Variants in ATP10B observed in about 807,000 individuals in gnomAD.
The protein encoded by ATP10B is ATPase phospholipid transporting 10B (putative), also known as phospholipid-transporting ATPase VB.
ATP10B carries 122 observed loss-of-function variants against 141.2 expected under a neutral mutation model. The observed-to-expected ratio is 0.86, with a 90% CI of 0.75 to 1.00. ATP10B has a LOEUF of 1.00. ATP10B is among the 50% of genes least tolerant of loss of function. The pLI, the probability that ATP10B is intolerant of heterozygous loss-of-function variation, is 0.00. For synonymous variants in ATP10B, 685 were observed against 692.0 expected (o/e 0.99, Z 0.16); for missense variants, 1,876 against 1,825.3 (o/e 1.03, Z -0.51).
At position 160,740,116 on chromosome 5, in the gene ATP10B, T is replaced by G. The variant is rs557802088; in HGVS notation, c.-330-23082A>C. 1.7e-3 allele frequency among the ~76,000 whole-genome samples: 256 copies of G among 152,308 alleles called. No homozygotes were observed. The Middle Eastern group carries it at 0.02, about 12-fold the overall frequency. On this transcript the variant is annotated intron_variant, in intron 2 of 25. Coordinates refer to ENST00000327245, the MANE Select transcript of ATP10B (RefSeq NM_025153.3). ...CAAGACCCATTAATAAATGCTAAAG[T>G]GGGAACATATATACAGGTAGGATAT...
chr5:160,785,981 C>T (rs1268437850), intron 1 of ATP10B, among the ~76,000 whole-genome samples, 178 bp from the exon 2 acceptor site: 2 of 152,088 alleles, frequency 1.3e-5, no homozygotes, highest in Non-Finnish European at 2.9e-5. Flanking sequence ...TTTATTTCTG[C>T]CAGGGAATCA....
At chr5:160,854,702 AATTGT>A (rs1753955047), upstream of ATP10B, among the ~76,000 whole-genome samples, 1 of 152,094 alleles carries the variant, frequency 6.6e-6, no homozygotes, top group Admixed American at 6.6e-5. Context: ...TGCTGGGTCA[AATTGT>A]ATTTATGGTT....
chr5:160,740,219 A>T (rs947376711), intron 2 of ATP10B, among the ~76,000 whole-genome samples: 2 of 152,226 alleles, frequency 1.3e-5, no homozygotes, highest in African/African-American at 4.8e-5. Context: ...TCATGTATAT[A>T]TTGTATTTAA....
At chr5:160,582,488 T>C (rs984123181) in intron 24 of ATP10B, among the ~76,000 whole-genome samples, 2 of 152,232 alleles carry the variant, frequency 1.3e-5, no homozygotes, top group East Asian at 1.9e-4. Flanking sequence ...TCCTGGCTTG[T>C]AGGATTTTTA....
intron 1 of ATP10B, among the ~76,000 whole-genome samples, chr5:160,828,942 T>C (rs1316410387): frequency 4.8e-5 from 7 of 144,910 alleles, no homozygotes; most frequent in Non-Finnish European, 4.6e-5. Flanking sequence ...TCATTCTCAG[T>C]AAACTAACGC....
the ATP10B span, among the ~76,000 whole-genome samples, chr5:160,926,015 C>G: frequency 2.4e-3 from 372 of 152,314 alleles, 2 homozygotes; most frequent in African/African-American, 8.4e-3. Context: ...GGCATTGCAC[C>G]TGGTGGATGA....
intron 7 of ATP10B, among the ~76,000 whole-genome samples, chr5:160,661,971 T>C (rs1337049156): frequency 6.6e-6 from 1 of 152,136 alleles, no homozygotes; most frequent in Non-Finnish European, 1.5e-5. Context: ...AAAATCAATG[T>C]ACAAAAATCA....
At chr5:160,731,050 A>G (rs989771049) in intron 2 of ATP10B, among the ~76,000 whole-genome samples, 1 of 152,200 alleles carries the variant, frequency 6.6e-6, no homozygotes, top group African/African-American at 2.4e-5. Flanking sequence ...AGTTAGATAC[A>G]TAAACCATTT....
intron 6 of ATP10B, among the ~76,000 whole-genome samples, chr5:160,676,358 G>T (rs1763029924): frequency 6.6e-6 from 1 of 152,168 alleles, no homozygotes; most frequent in South Asian, 2.1e-4. Context: ...GATATGAATT[G>T]CCTCCCAAAT....
chr5:160,828,043 T>A (rs2127972401), intron 1 of ATP10B, among the ~76,000 whole-genome samples: 1 of 152,272 alleles, frequency 6.6e-6, no homozygotes, highest in Middle Eastern at 3.4e-3. Flanking sequence ...TCCTTACACC[T>A]TATACAAAAA....
chr5:160,704,914 C>CTTTTTTTTTTTTCTTTTTTTTTTTTTT (rs1764897501), intron 3 of ATP10B, among the ~76,000 whole-genome samples: 1 of 83,624 alleles, frequency 1.2e-5, no homozygotes, highest in African/African-American at 5.8e-5. Flanking sequence ...TTTCTTTCAT[C>CTTTTTTTTTTTTCTTTTTTTTTTTTTT]TTTTTTTTTT....
At chr5:160,594,596 A>G (rs546647597) in intron 22 of ATP10B, among the ~76,000 whole-genome samples, 11 of 151,822 alleles carry the variant, frequency 7.2e-5, no homozygotes, top group African/African-American at 9.7e-5. Context: ...AGACTGGCAA[A>G]TTGGATAAAG....
At chr5:160,698,901 T>A (rs1412413014) in intron 3 of ATP10B, among the ~76,000 whole-genome samples, 1 of 152,146 alleles carries the variant, frequency 6.6e-6, no homozygotes, top group East Asian at 1.9e-4. Flanking sequence ...AGCACAAGAA[T>A]AGGCAAATGA....
chr5:160,655,111 C>A (rs1031356654), intron 7 of ATP10B, among the ~76,000 whole-genome samples: 1 of 152,124 alleles, frequency 6.6e-6, no homozygotes, highest in Non-Finnish European at 1.5e-5. Context: ...TGAATGAATA[C>A]ATTCTCTAAT....
At chr5:160,887,021 A>G in the ATP10B span, among the ~76,000 whole-genome samples, 17,111 of 152,270 alleles carry the variant, frequency 0.11, 1,167 homozygotes, top group East Asian at 0.18. Context: ...AGGAAATGTC[A>G]GCTGATAACT....
chr5:160,794,073 G>A (rs1433145296), intron 1 of ATP10B, among the ~76,000 whole-genome samples: 1 of 152,136 alleles, frequency 6.6e-6, no homozygotes, highest in African/African-American at 2.4e-5. Flanking sequence ...ACATGTGACT[G>A]TAATTTTTTT....
At chr5:160,876,641 A>G in the ATP10B span, among the ~76,000 whole-genome samples, 29 of 152,212 alleles carry the variant, frequency 1.9e-4, no homozygotes, top group African/African-American at 6.7e-4. Flanking sequence ...ACTGCTAGCA[A>G]GACTAATAAA....
the ATP10B span, among the ~76,000 whole-genome samples, chr5:160,891,401 C>T: frequency 5.3e-5 from 8 of 152,308 alleles, no homozygotes; most frequent in African/African-American, 1.9e-4. Context: ...CCTTCCAATG[C>T]ATGACCTGCT....
chr5:160,892,386 G>A, the ATP10B span, among the ~76,000 whole-genome samples: 5 of 152,226 alleles, frequency 3.3e-5, no homozygotes, highest in East Asian at 9.6e-4. Flanking sequence ...TCCCCCAAAC[G>A]TCCCCAGGCT....
Sources: gnomAD v4.1 joint callset for allele counts (sites outside exome capture counted in the v4.1 genomes callset) on GRCh38, gnomAD v4.1.1 for gene constraint, MANE v1.5 for transcripts, NCBI Gene and HGNC (gene_info 2026-07-23, HGNC 2026-07-21) for gene names.